ROBO1: variants seen among roughly 807,000 people sequenced by gnomAD.
ROBO1 encodes roundabout guidance receptor 1.
In ROBO1, 149 loss-of-function variants were observed where a neutral mutation model predicts 195.9. The observed-to-expected ratio is 0.76, with a 90% CI of 0.67 to 0.87. The LOEUF is 0.87. Ranked by LOEUF, ROBO1 falls within the 40% of genes least tolerant of loss-of-function variation. The probability of loss-of-function intolerance (pLI) is 0.00; values close to 1 mark genes in which losing one functional copy is unlikely to be tolerated. For synonymous variants in ROBO1, 816 were observed against 733.2 expected, an observed-to-expected ratio of 1.11 and a Z score of -1.82; for missense variants, 1,933 against 2,068.3, an observed-to-expected ratio of 0.93 and a Z score of 1.27.
chr3:79,202,392 T>A (rs2081783053), intron 2 of ROBO1, among the ~76,000 whole-genome samples: 1 of 152,102 alleles, frequency 6.6e-6, no homozygotes, highest in Non-Finnish European at 1.5e-5. Context: ...TACATGAATC[T>A]GGATCAAATA....
chr3:79,210,562 T>C (rs965726955), intron 2 of ROBO1, among the ~76,000 whole-genome samples: 4 of 152,120 alleles, frequency 2.6e-5, no homozygotes, highest in Non-Finnish European at 4.4e-5. Context: ...CACAATCTAA[T>C]GGAGTGACCA....
intron 2 of ROBO1, among the ~76,000 whole-genome samples, chr3:79,169,687 A>G (rs893473274): frequency 1.3e-5 from 2 of 152,194 alleles, no homozygotes; most frequent in African/African-American, 4.8e-5. Flanking sequence ...ATAAAACCAC[A>G]TAATAAAAAT....
At chr3:79,414,162 T>A (rs2037897598) in intron 2 of ROBO1, among the ~76,000 whole-genome samples, 1 of 151,880 alleles carries the variant, frequency 6.6e-6, no homozygotes, top group Non-Finnish European at 1.5e-5. Context: ...AGTAGAGAAC[T>A]TCACACATTA....
At chr3:79,467,235 T>C (rs1030637190) in intron 2 of ROBO1, among the ~76,000 whole-genome samples, 1 of 151,920 alleles carries the variant, frequency 6.6e-6, no homozygotes, top group Non-Finnish European at 1.5e-5. Flanking sequence ...CATTAGACCA[T>C]GATTCTAAAC....
chr3:79,661,008 T>C (rs1946312064), intron 1 of ROBO1, among the ~76,000 whole-genome samples: 1 of 151,994 alleles, frequency 6.6e-6, no homozygotes, highest in Non-Finnish European at 1.5e-5. Context: ...CCCTCAGAAA[T>C]CCTAAAGGGC....
intron 8 of ROBO1, among the ~76,000 whole-genome samples, chr3:78,695,784 A>T (rs2107893524): frequency 6.6e-6 from 1 of 152,152 alleles, no homozygotes; most frequent in Non-Finnish European, 1.5e-5. Context: ...GCTTTTAACA[A>T]CTCTGATTAT....
At chr3:79,329,439 A>C (rs1185774928) in intron 2 of ROBO1, among the ~76,000 whole-genome samples, 1 of 152,224 alleles carries the variant, frequency 6.6e-6, no homozygotes, top group African/African-American at 2.4e-5. Context: ...AGTGAAGTTA[A>C]AAATCCTGGT....
At chr3:78,703,233 G>T (rs2081463172) in intron 8 of ROBO1, among the ~76,000 whole-genome samples, 1 of 152,046 alleles carries the variant, frequency 6.6e-6, no homozygotes, top group South Asian at 2.1e-4. Context: ...AAGAATCATA[G>T]GCCAAAAAGC....
intron 4 of ROBO1, among the ~76,000 whole-genome samples, chr3:78,855,818 A>G (rs1018540837): frequency 2.0e-5 from 3 of 152,306 alleles, no homozygotes; most frequent in South Asian, 2.1e-4. Context: ...AAAGAATTGC[A>G]AAAGAAAAAG....
At chr3:79,538,172 G>A (rs1172976081) in intron 2 of ROBO1, among the ~76,000 whole-genome samples, 1 of 152,040 alleles carries the variant, frequency 6.6e-6, no homozygotes, top group Admixed American at 6.6e-5. Flanking sequence ...TATTACATGT[G>A]TGGCTGCTAG....
chr3:79,740,575 C>T (rs539739028), intron 1 of ROBO1, among the ~76,000 whole-genome samples: 23 of 152,042 alleles, frequency 1.5e-4, no homozygotes, highest in African/African-American at 4.6e-4. Flanking sequence ...GAATGAGTGC[C>T]GAGTGCCGAG....
intron 1 of ROBO1, among the ~76,000 whole-genome samples, chr3:79,711,283 T>C (rs1169092065): frequency 6.6e-6 from 1 of 152,162 alleles, no homozygotes; most frequent in Non-Finnish European, 1.5e-5. Context: ...AACTGACCTA[T>C]ACTGTTCATC....
intron 2 of ROBO1, among the ~76,000 whole-genome samples, chr3:79,543,974 A>T (rs1169245490): frequency 6.6e-6 from 1 of 152,142 alleles, no homozygotes; most frequent in Non-Finnish European, 1.5e-5. Context: ...ACAAAAAATG[A>T]GGAATGATTT....
chr3:78,615,898 T>C (rs927211689), intron 27 of ROBO1, among the ~76,000 whole-genome samples: 1 of 152,208 alleles, frequency 6.6e-6, no homozygotes. Flanking sequence ...GAAAAGACAC[T>C]GCAATAAGCA....
At chr3:79,199,977 C>G (rs2081731989) in intron 2 of ROBO1, among the ~76,000 whole-genome samples, 1 of 151,232 alleles carries the variant, frequency 6.6e-6, no homozygotes, top group Non-Finnish European at 1.5e-5. Flanking sequence ...AAGGATGGAA[C>G]AGAAGGGAAG....
chr3:79,419,191 G>T (rs987077059), intron 2 of ROBO1, among the ~76,000 whole-genome samples: 1 of 152,132 alleles, frequency 6.6e-6, no homozygotes, highest in Non-Finnish European at 1.5e-5. Context: ...AAGTTTGAGA[G>T]AGAGGGAGAA....
intron 3 of ROBO1, among the ~76,000 whole-genome samples, chr3:78,953,491 ACAAAGAAATATGAAATAGAATCC>A (rs1011017056): frequency 2.0e-5 from 3 of 152,032 alleles, no homozygotes; most frequent in Non-Finnish European, 4.4e-5. Context: ...CATTGGCAGC[ACAAAGAAATATGAAATAGAATCC>A]CTGATCTTAA....
intron 4 of ROBO1, among the ~76,000 whole-genome samples, chr3:78,865,875 G>A (rs1463494319): frequency 6.6e-6 from 1 of 152,120 alleles, no homozygotes; most frequent in African/African-American, 2.4e-5. Context: ...AAAAGGACAA[G>A]ACTCCTTAGT....
intron 1 of ROBO1, among the ~76,000 whole-genome samples, chr3:79,682,541 G>C (rs1436350694): frequency 2.6e-5 from 4 of 151,994 alleles, no homozygotes; most frequent in Admixed American, 6.6e-5. Context: ...TTGGAAAAAT[G>C]GATTTTTAAA....
Sources: gnomAD v4.1 joint callset for allele counts (sites outside exome capture counted in the v4.1 genomes callset) on GRCh38, gnomAD v4.1.1 for gene constraint, MANE v1.5 for transcripts, NCBI Gene and HGNC (gene_info 2026-07-23, HGNC 2026-07-21) for gene names.